The following EEF2K variants were observed in gnomAD, a reference collection of about 807,000 sequenced individuals.
The protein encoded by EEF2K is eukaryotic elongation factor 2 kinase, also known as alternative protein EEF2K.
In EEF2K, 70 loss-of-function variants were observed where a neutral mutation model predicts 93.8. That is an observed-to-expected ratio of 0.75 (90% CI 0.62 to 0.91). The LOEUF is 0.91. EEF2K is among the 40% of genes least tolerant of loss of function. EEF2K has a pLI of 0.00. For missense variants in EEF2K, 935 were observed against 972.9 expected (o/e 0.96, Z 0.52); for synonymous variants, 376 against 380.8 (o/e 0.99, Z 0.15).
chr16:22,225,060 A>G (rs750676159), intron 1 of EEF2K, among the ~76,000 whole-genome samples: 4 of 152,190 alleles, frequency 2.6e-5, no homozygotes, highest in Non-Finnish European at 5.9e-5. Context: ...GGGGATTCAC[A>G]GAAGATTTCA....
intron 15 of EEF2K, among the ~76,000 whole-genome samples, chr16:22,271,540 C>G (rs1253008269): frequency 6.6e-6 from 1 of 151,146 alleles, no homozygotes; most frequent in African/African-American, 2.4e-5. Context: ...CCCCCACCCC[C>G]AAAAAAACAA....
At chr16:22,243,501 C>G (rs1033842208) in intron 2 of EEF2K, among the ~76,000 whole-genome samples, 2 of 151,832 alleles carry the variant, frequency 1.3e-5, no homozygotes, top group Admixed American at 1.3e-4. Flanking sequence ...AACCACCTGC[C>G]TCGGCCTCCC....
intron 11 of EEF2K, 77 bp downstream of exon 11, chr16:22,260,606 T>C: frequency 6.3e-7 from 1 of 1,579,128 alleles, no homozygotes; most frequent in Non-Finnish European, 8.7e-7. Flanking sequence ...AGAGTGAATC[T>C]TCAGCTTCGG....
intron 16 of EEF2K, among the ~76,000 whole-genome samples, chr16:22,274,604 T>C (rs1248568419): frequency 6.6e-6 from 1 of 152,064 alleles, no homozygotes; most frequent in Admixed American, 6.6e-5. Flanking sequence ...AATTGACTTT[T>C]CCTACTTATT....
intron 3 of EEF2K, among the ~76,000 whole-genome samples, chr16:22,245,922 G>A (rs757986634): frequency 1.1e-4 from 16 of 152,110 alleles, no homozygotes; most frequent in African/African-American, 7.2e-5. Context: ...GTCTAATTCT[G>A]TTCCTCTAAT....
chr16:22,215,088 T>C (rs2046946373), intron 1 of EEF2K, among the ~76,000 whole-genome samples: 1 of 152,088 alleles, frequency 6.6e-6, no homozygotes, highest in Non-Finnish European at 1.5e-5. Context: ...GAAGTGAAGT[T>C]ACAAATGAAG....
At chr16:22,264,988 C>T in intron 13 of EEF2K, 108 bp downstream of exon 13, 1 of 1,343,362 alleles carries the variant, frequency 7.4e-7, no homozygotes, top group Non-Finnish European at 1.0e-6. Context: ...CTGTCTTGCA[C>T]ATGTGCTAAA....
chr16:22,208,631 C>T (rs896805592), intron 1 of EEF2K, among the ~76,000 whole-genome samples: 1 of 151,858 alleles, frequency 6.6e-6, no homozygotes, highest in East Asian at 1.9e-4. Context: ...GGTGTGGTAG[C>T]TCACACCTGT....
chr16:22,259,637 C>G (rs1303400643), intron 10 of EEF2K, among the ~76,000 whole-genome samples: 1 of 152,036 alleles, frequency 6.6e-6, no homozygotes, highest in Admixed American at 6.6e-5. Context: ...TTTTTGTCAT[C>G]CATTTAAAAA....
At chr16:22,252,381 A>G (rs1462825216) in intron 6 of EEF2K, among the ~76,000 whole-genome samples, 2 of 152,156 alleles carry the variant, frequency 1.3e-5, no homozygotes, top group Non-Finnish European at 2.9e-5. Flanking sequence ...TAGTGGTAGC[A>G]CTCTGGCCCC....
chr16:22,211,733 G>GA (rs2046916427), intron 1 of EEF2K, among the ~76,000 whole-genome samples: 1 of 152,056 alleles, frequency 6.6e-6, no homozygotes, highest in Non-Finnish European at 1.5e-5. Context: ...AAAGTGCTGG[G>GA]ATTACAGGGG....
chr16:22,230,909 G>A (rs2047108466), intron 2 of EEF2K, among the ~76,000 whole-genome samples: 1 of 152,016 alleles, frequency 6.6e-6, no homozygotes, highest in Admixed American at 6.6e-5. Context: ...TTACAGGAGT[G>A]AGCCACCACG....
chr16:22,259,223 A>T (rs1190914741), intron 10 of EEF2K, among the ~76,000 whole-genome samples: 1 of 152,174 alleles, frequency 6.6e-6, no homozygotes, highest in Non-Finnish European at 1.5e-5. Flanking sequence ...GATGATTCAG[A>T]TGAGAGTCTG....
chr16:22,227,372 T>A (rs1598169041), intron 2 of EEF2K, among the ~76,000 whole-genome samples: 2 of 152,048 alleles, frequency 1.3e-5, no homozygotes, highest in Non-Finnish European at 2.9e-5. Flanking sequence ...AACAGGCATG[T>A]GCCACCACAC....
intron 2 of EEF2K, among the ~76,000 whole-genome samples, chr16:22,239,600 C>T (rs1468565139): frequency 6.6e-6 from 1 of 151,832 alleles, no homozygotes; most frequent in African/African-American, 2.4e-5. Flanking sequence ...CACTTGAGCC[C>T]AGAAGTTTGA....
intron 1 of EEF2K, among the ~76,000 whole-genome samples, chr16:22,217,160 CAAAAAAA>C (rs59262131): frequency 4.1e-3 from 317 of 76,466 alleles, no homozygotes; most frequent in Middle Eastern, 0.034. Flanking sequence ...GACCCTGTCT[CAAAAAAA>C]AAAAAAAAAA....
At chr16:22,256,524 C>T (rs1045857755) in intron 6 of EEF2K, among the ~76,000 whole-genome samples, 34 of 152,216 alleles carry the variant, frequency 2.2e-4, no homozygotes, top group South Asian at 4.1e-4. Flanking sequence ...TGTAAGCCAC[C>T]GTGCCCAGCC....
At chr16:22,278,858 G>GT (rs2047665816) in intron 16 of EEF2K, among the ~76,000 whole-genome samples, 2 of 152,296 alleles carry the variant, frequency 1.3e-5, no homozygotes, top group South Asian at 2.1e-4. Context: ...AGTAGGAGGA[G>GT]TTGAGGGTCG....
rs1567280603 is a variant in EEF2K, at chr16:22,257,714, C to T, written c.973C>T (p.Pro325Ser). The change falls in exon 9 of 18, where the codon CCC becomes TCC. Residue 325 changes from proline (P) to serine (S), a missense_variant. By Grantham distance (74) the Pro-to-Ser change is moderately conservative (BLOSUM62 -1). Coordinates refer to ENST00000263026, the MANE Select transcript of EEF2K (RefSeq NM_013302.5). ...GATTTGCGAGAGCATGGGCCTTGCT[C>T]CCTTTGACCTCTCGCCCCGGGAGAG... is the stretch of plus-strand genomic sequence containing the variant. ...NRICESMGLA[P>S]FDLSPRERDA... 1.2e-6 allele frequency: 2 copies of T among 1,614,036 alleles called. No individual in the cohort carries two copies. The highest frequency in any genetic ancestry group is 4.5e-5 in the East Asian group (2 of 44,888).
Sources: allele counts gnomAD v4.1 joint callset (sites outside exome capture counted in the v4.1 genomes callset), GRCh38; gene constraint gnomAD v4.1.1; transcripts MANE v1.5; gene names NCBI Gene and HGNC (gene_info 2026-07-23, HGNC 2026-07-21).